TSPO: variants seen among roughly 807,000 people sequenced by gnomAD.
The protein encoded by TSPO is benzodiazepine peripheral binding site.
In TSPO, 14 loss-of-function variants were observed where a neutral mutation model predicts 13.9. That is an observed-to-expected ratio of 1.01 (90% confidence interval 0.67 to 1.58). The LOEUF is 1.58. Ranked by LOEUF, TSPO falls within the 40% of genes most tolerant of loss-of-function variation. The pLI is 0.00. For missense variants in TSPO, 232 were observed against 229.6 expected (o/e 1.01, Z -0.07); for synonymous variants, 114 against 105.9 (o/e 1.08, Z -0.47).
intron 1 of TSPO, among the ~76,000 whole-genome samples, chr22:43,157,846 G>C (rs9333327): frequency 0.025 from 3,838 of 152,258 alleles, 162 homozygotes; most frequent in African/African-American, 0.088. Flanking sequence ...CAAAAAAAGC[G>C]CATATCTATG....
intron 1 of TSPO, among the ~76,000 whole-genome samples, chr22:43,153,010 C>T (rs1005039735): frequency 4.8e-5 from 4 of 82,650 alleles, no homozygotes; most frequent in African/African-American, 7.7e-5. Context: ...TCCTTTCTTC[C>T]GTCCTTCCTT....
At chr22:43,158,838 G>A (rs978397802) in intron 1 of TSPO, among the ~76,000 whole-genome samples, 2 of 152,032 alleles carry the variant, frequency 1.3e-5, no homozygotes, top group African/African-American at 2.4e-5. Context: ...GTGAGTGAAA[G>A]GTGAATGTGA....
intron 2 of TSPO, among the ~76,000 whole-genome samples, chr22:43,160,849 G>A (rs544376621): frequency 1.3e-5 from 2 of 152,170 alleles, no homozygotes; most frequent in Non-Finnish European, 2.9e-5. Context: ...GCTGGGTATC[G>A]CATGAAGCAC....
At chr22:43,162,450 G>A (rs1931472597) in intron 3 of TSPO, among the ~76,000 whole-genome samples, 1 of 152,138 alleles carries the variant, frequency 6.6e-6, no homozygotes, top group African/African-American at 2.4e-5. Context: ...GGGCCTTGTA[G>A]TAATGCTGGG....
At chr22:43,159,538 C>T (rs1268698300) in intron 2 of TSPO, 118 bp downstream of exon 2, 1 of 1,135,500 alleles carries the variant, frequency 8.8e-7, no homozygotes, top group Non-Finnish European at 1.2e-6. Flanking sequence ...TCCCCAGCCC[C>T]ATTTGGCAAG....
Position 43,160,315 on chromosome 22 carries a change from C to T in TSPO, c.183-737C>T, listed in dbSNP as rs540010509. Among the ~76,000 whole-genome samples, 6 of 152,316 alleles carry T rather than the reference C, an allele frequency of 3.9e-5. 2 individuals are homozygous for T. The highest frequency in any genetic ancestry group is 1.2e-4 in the African/African-American group (5 of 41,568). On this transcript the variant is annotated intron_variant, in intron 2 of 3. Transcript: ENST00000337554. ...CCTGTGGCTCTGGATAAGGCGAACC[C>T]CTCATTAGTAGGTGACAGCCGGGGC...
intron 2 of TSPO, among the ~76,000 whole-genome samples, chr22:43,159,898 C>T (rs1931380417): frequency 6.6e-6 from 1 of 152,136 alleles, no homozygotes; most frequent in South Asian, 2.1e-4. Context: ...GGCCTGAGTC[C>T]CCTGGGAATA....
chr22:43,159,522 A>C, intron 2 of TSPO, 102 bp downstream of exon 2: 1 of 1,226,524 alleles, frequency 8.2e-7, no homozygotes, highest in Non-Finnish European at 1.1e-6. Flanking sequence ...GGACCATGGC[A>C]TGGTTTCCCC....
intron 1 of TSPO, among the ~76,000 whole-genome samples, chr22:43,158,210 G>A (rs1931316447): frequency 1.3e-5 from 2 of 152,158 alleles, no homozygotes; most frequent in Non-Finnish European, 1.5e-5. Context: ...CCCCTGGGAC[G>A]AAAGTGCTCA....
At chr22:43,154,269 G>C (rs1382262555) in intron 1 of TSPO, among the ~76,000 whole-genome samples, 1 of 152,104 alleles carries the variant, frequency 6.6e-6, no homozygotes, top group East Asian at 1.9e-4. Flanking sequence ...AGGGGAGTGG[G>C]TGCAGCTGGG....
intron 1 of TSPO, among the ~76,000 whole-genome samples, chr22:43,155,636 C>T (rs1386694581): frequency 2.0e-5 from 3 of 152,182 alleles, no homozygotes; most frequent in Non-Finnish European, 2.9e-5. Flanking sequence ...TGTCCCACCC[C>T]TTCCTCCCTT....
intron 1 of TSPO, among the ~76,000 whole-genome samples, chr22:43,152,456 C>T (rs1931102454): frequency 6.6e-6 from 1 of 152,288 alleles, no homozygotes; most frequent in African/African-American, 2.4e-5. Flanking sequence ...GAAGCAGCCG[C>T]CCAGCTTGCC....
chr22:43,157,052 A>G (rs1358391735), intron 1 of TSPO, among the ~76,000 whole-genome samples: 1 of 152,160 alleles, frequency 6.6e-6, no homozygotes, highest in East Asian at 1.9e-4. Flanking sequence ...CCAGATGAGC[A>G]GTAGGCTGAG....
intron 1 of TSPO, among the ~76,000 whole-genome samples, chr22:43,158,573 C>T (rs541492091): frequency 7.2e-5 from 11 of 152,230 alleles, no homozygotes; most frequent in South Asian, 2.1e-4. Flanking sequence ...TCTCTGTCTC[C>T]GGTGCATGGG....
At chr22:43,158,242 CTCCCTGG>C (rs1398388906) in intron 1 of TSPO, among the ~76,000 whole-genome samples, 1 of 152,210 alleles carries the variant, frequency 6.6e-6, no homozygotes, top group Admixed American at 6.5e-5. Flanking sequence ...GTGGCATCTC[CTCCCTGG>C]TCCCTGGTCA....
chr22:43,153,336 C>CT (rs1052119233), intron 1 of TSPO, among the ~76,000 whole-genome samples: 1,006 of 50,726 alleles, frequency 0.02, 186 homozygotes, highest in African/African-American at 0.079. Flanking sequence ...TTTGTGTTTT[C>CT]TTTTTTTTTT....
At chr22:43,155,870 C>T (rs1215950524) in intron 1 of TSPO, among the ~76,000 whole-genome samples, 1 of 152,238 alleles carries the variant, frequency 6.6e-6, no homozygotes, top group Admixed American at 6.5e-5. Context: ...CCCACCCCAG[C>T]TTTCCCTGGA....
In TSPO at chr22:43,161,206, G is replaced by A. The variant is rs754840815; in HGVS notation, c.321+16G>A. On this transcript the variant is annotated intron_variant, in intron 3 of 3. Transcript: ENST00000337554. ...AATGGGCTGGGTAAGTGTGGCCACAGCATGTGTCCCTGATCCCTGGATCCG... is the reference window on the plus strand; with the variant it reads ...AATGGGCTGGGTAAGTGTGGCCACAACATGTGTCCCTGATCCCTGGATCCG... 1.2e-6 allele frequency: 2 copies of A among 1,607,266 alleles called. No homozygotes were observed. The highest frequency in any genetic ancestry group is 1.7e-6 in the Non-Finnish European group (2 of 1,175,590).
intron 3 of TSPO, among the ~76,000 whole-genome samples, chr22:43,162,567 G>GCATGT (rs1931476780): frequency 6.6e-6 from 1 of 152,146 alleles, no homozygotes; most frequent in Admixed American, 6.5e-5. Context: ...TTCACTTCAG[G>GCATGT]CATGTCATGT....
Sources: allele counts gnomAD v4.1 joint callset (sites outside exome capture counted in the v4.1 genomes callset), GRCh38; gene constraint gnomAD v4.1.1; transcripts MANE v1.5; gene names NCBI Gene and HGNC (gene_info 2026-07-23, HGNC 2026-07-21).